LY86: variants seen among roughly 807,000 people sequenced by gnomAD.
LY86 encodes the protein MD-1, RP105-associated.
A neutral mutation model predicts 17.3 loss-of-function variants in LY86; 20 were observed. The ratio of observed to expected loss-of-function variants is 1.15; its 90% CI spans 0.81 to 1.68. The LOEUF (loss-of-function observed/expected upper bound fraction) is 1.68. Ranked by LOEUF, LY86 falls within the 40% of genes most tolerant of loss-of-function variation. The pLI is 0.00. For missense variants in LY86, 200 were observed against 191.9 expected (o/e 1.04, Z -0.25); for synonymous variants, 74 against 70.6 (o/e 1.05, Z -0.24).
intron 4 of LY86, among the ~76,000 whole-genome samples, chr6:6,653,007 G>A (rs983972542): frequency 5.3e-5 from 8 of 152,096 alleles, no homozygotes; most frequent in East Asian, 1.9e-4. Context: ...AATTTGAGCC[G>A]GTCTTTACTC....
At chr6:6,653,225 T>C (rs4510721) in intron 4 of LY86, among the ~76,000 whole-genome samples, 2,098 of 152,302 alleles carry the variant, frequency 0.014, 30 homozygotes, top group Middle Eastern at 0.041. Context: ...GCTCTGCTCA[T>C]TGCTAGAAAG....
chr6:6,603,863 T>TAA, intron 1 of LY86, among the ~76,000 whole-genome samples: 1 of 151,048 alleles, frequency 6.6e-6, no homozygotes, highest in African/African-American at 2.4e-5. Flanking sequence ...TAAGAAATAA[T>TAA]AAAAGAAACA....
chr6:6,612,414 T>A (rs945575997), intron 1 of LY86, among the ~76,000 whole-genome samples: 1 of 152,230 alleles, frequency 6.6e-6, no homozygotes, highest in Non-Finnish European at 1.5e-5. Context: ...CTAGTCTCAC[T>A]GGCCTCATAA....
At chr6:6,613,816 C>T (rs1054831656) in intron 1 of LY86, among the ~76,000 whole-genome samples, 5 of 152,262 alleles carry the variant, frequency 3.3e-5, no homozygotes, top group African/African-American at 7.2e-5. Context: ...GGGCCCCTTA[C>T]TTTCCCTGCC....
At chr6:6,640,582 A>T (rs1298216306) in intron 3 of LY86, among the ~76,000 whole-genome samples, 1 of 151,832 alleles carries the variant, frequency 6.6e-6, no homozygotes. Flanking sequence ...TTAGCTGGGC[A>T]TGGTGGTGTA....
chr6:6,637,148 G>T (rs1475594073), intron 3 of LY86, among the ~76,000 whole-genome samples: 1 of 151,922 alleles, frequency 6.6e-6, no homozygotes, highest in Admixed American at 6.6e-5. Context: ...GAGGAGCTGG[G>T]ACTAGAGGCG....
chr6:6,597,439 G>T (rs1442743381), intron 1 of LY86, among the ~76,000 whole-genome samples: 1 of 152,156 alleles, frequency 6.6e-6, no homozygotes, highest in Non-Finnish European at 1.5e-5. Flanking sequence ...ACAAGGCGGG[G>T]TTTTCACTGA....
intron 1 of LY86, among the ~76,000 whole-genome samples, chr6:6,620,414 A>G (rs146006054): frequency 2.0e-5 from 3 of 152,238 alleles, no homozygotes; most frequent in Non-Finnish European, 4.4e-5. Flanking sequence ...GCCCTCCTCT[A>G]TGCCTCAAAC....
In LY86 at chr6:6,637,004, G is replaced by GTTT. The variant is rs34996349; in HGVS notation, c.352+10602_352+10604dup. On this transcript the variant is annotated intron_variant, in intron 3 of 4. Coordinates refer to ENST00000230568, the MANE Select transcript of LY86 (RefSeq NM_004271.4). ...AAATGGAATGAAAGGAAGCATATTG[G>GTTT]TTTTTTTTTTTTTTTTTTTTTAATG... Among the ~76,000 whole-genome samples the GTTT allele has an allele frequency of 3.5e-3, 389 of 109,816 alleles. 9 individuals carry two copies. The East Asian group carries it at 0.062, about 18-fold the overall frequency. The allele number at this position is 109,816 out of a possible 152,430, so 72.0% of individuals were successfully genotyped here. A position where few individuals can be genotyped will look rare whatever the true frequency, so the allele number is the denominator to read the frequency against.
chr6:6,644,998 A>T (rs1762090076), intron 3 of LY86, among the ~76,000 whole-genome samples: 1 of 152,232 alleles, frequency 6.6e-6, no homozygotes, highest in African/African-American at 2.4e-5. Context: ...ACTGTAAGAG[A>T]CCAATTTAAT....
chr6:6,612,147 AG>A (rs1442839086), intron 1 of LY86, among the ~76,000 whole-genome samples: 2 of 151,336 alleles, frequency 1.3e-5, no homozygotes, highest in East Asian at 3.9e-4. Context: ...TAAGATTGAT[AG>A]ATGTGTCCAC....
chr6:6,605,695 G>C (rs1027874080), intron 1 of LY86, among the ~76,000 whole-genome samples: 1 of 152,170 alleles, frequency 6.6e-6, no homozygotes. Flanking sequence ...CGGACTTAAA[G>C]AATGAAGCCG....
chr6:6,603,535 C>T (rs1351788185), intron 1 of LY86, among the ~76,000 whole-genome samples: 1 of 146,074 alleles, frequency 6.8e-6, no homozygotes, highest in African/African-American at 2.5e-5. Context: ...AAAAAAATAG[C>T]AACAACAACA....
At chr6:6,640,470 G>A (rs1052744894) in intron 3 of LY86, among the ~76,000 whole-genome samples, 1 of 152,042 alleles carries the variant, frequency 6.6e-6, no homozygotes, top group African/African-American at 2.4e-5. Context: ...TCTCATCCCA[G>A]CAGCTACAGA....
chr6:6,636,936 A>C (rs1761967992), intron 3 of LY86, among the ~76,000 whole-genome samples: 1 of 149,252 alleles, frequency 6.7e-6, no homozygotes, highest in South Asian at 2.1e-4. Flanking sequence ...CACCCTCTAG[A>C]GGGTACAAGC....
chr6:6,627,685 C>A (rs1761816025), intron 3 of LY86, among the ~76,000 whole-genome samples: 1 of 152,174 alleles, frequency 6.6e-6, no homozygotes, highest in African/African-American at 2.4e-5. Flanking sequence ...AGCAAAATGC[C>A]TAACACGATT....
At position 6,625,026 on chromosome 6, in the gene LY86, A is replaced by T; in HGVS notation, c.223+14A>T. On this transcript the variant is annotated intron_variant, in intron 2 of 4. Coordinates refer to ENST00000230568, the MANE Select transcript of LY86 (RefSeq NM_004271.4). ...GAATTATTCTGAGTAAGTAAAAAAA[A>T]TGATTAGCATGAAATAAAACATTGC... The T allele has an allele frequency of 8.3e-7, 1 of 1,199,878 alleles. No individual in the cohort carries two copies. The highest frequency in any genetic ancestry group is 1.3e-5 in the South Asian group (1 of 76,866). 74.3% of individuals were successfully genotyped at this position (1,199,878 alleles called of 1,614,324 possible). A position where few individuals can be genotyped will look rare whatever the true frequency, so the allele number is the denominator to read the frequency against.
chr6:6,651,569 A>T (rs1030939301), intron 4 of LY86, among the ~76,000 whole-genome samples: 1 of 152,142 alleles, frequency 6.6e-6, no homozygotes, highest in Non-Finnish European at 1.5e-5. Context: ...TTTTTCTTTA[A>T]ATCTTTGCTA....
intron 1 of LY86, among the ~76,000 whole-genome samples, chr6:6,604,337 TTTAA>T (rs1448115760): frequency 4.6e-5 from 7 of 152,192 alleles, no homozygotes; most frequent in East Asian, 3.9e-4. Context: ...GTATAGCTTC[TTTAA>T]TTAAAAAAAC....
Sources: gnomAD v4.1 joint callset for allele counts (sites outside exome capture counted in the v4.1 genomes callset) on GRCh38, gnomAD v4.1.1 for gene constraint, MANE v1.5 for transcripts, NCBI Gene and HGNC (gene_info 2026-07-23, HGNC 2026-07-21) for gene names.